Variants in DLGAP2 observed in about 807,000 individuals in gnomAD.
DLGAP2 encodes disks large-associated protein 2.
A neutral mutation model predicts 100.3 loss-of-function variants in DLGAP2; 26 were observed. The observed-to-expected ratio is 0.26, with a 90% CI of 0.19 to 0.36. The LOEUF is 0.36. Among genes scored for constraint, DLGAP2 ranks in the 10% least tolerant of loss-of-function variants. DLGAP2 has a pLI of 1.00. For synonymous variants in DLGAP2, 886 were observed against 630.1 expected (o/e 1.41, Z -6.08); for missense variants, 1,858 against 1,453.2 (o/e 1.28, Z -4.53).
chr8:1,336,227 T>G (rs1452605587), intron 3 of DLGAP2, among the ~76,000 whole-genome samples: 1 of 152,240 alleles, frequency 6.6e-6, no homozygotes, highest in Non-Finnish European at 1.5e-5. Context: ...TTTTGTTAAC[T>G]GGATTTATTT....
At chr8:1,287,633 A>AGTGTGTGTGT (rs782499346) in intron 3 of DLGAP2, among the ~76,000 whole-genome samples, 1 of 69,606 alleles carries the variant, frequency 1.4e-5, no homozygotes, top group Non-Finnish European at 2.5e-5. Context: ...GTTTCGGTTG[A>AGTGTGTGTGT]GTGTGTGTGT....
chr8:1,123,796 C>G (rs1421009620), intron 2 of DLGAP2, among the ~76,000 whole-genome samples: 1 of 152,180 alleles, frequency 6.6e-6, no homozygotes, highest in Non-Finnish European at 1.5e-5. Flanking sequence ...GCACTTTGTA[C>G]ATTTTTCAAT....
chr8:1,163,383 T>C (rs1796930256), intron 2 of DLGAP2, among the ~76,000 whole-genome samples: 1 of 152,058 alleles, frequency 6.6e-6, no homozygotes, highest in East Asian at 1.9e-4. Flanking sequence ...GGTCCGCGGT[T>C]CCGGCTGGAG....
intron 8 of DLGAP2, among the ~76,000 whole-genome samples, chr8:1,653,407 G>A (rs1029952269): frequency 8.5e-5 from 13 of 152,184 alleles, no homozygotes; most frequent in Non-Finnish European, 1.5e-4. Flanking sequence ...CGGGTATCCC[G>A]TGGCCATCCC....
intron 14 of DLGAP2, among the ~76,000 whole-genome samples, chr8:1,697,915 A>T (rs1799446280): frequency 6.6e-6 from 1 of 152,246 alleles, no homozygotes; most frequent in South Asian, 2.1e-4. Flanking sequence ...ACTAGTAGAT[A>T]GTTCTGAGTT....
chr8:930,565 AGT>A (rs1798931912), intron 2 of DLGAP2, among the ~76,000 whole-genome samples: 3 of 152,214 alleles, frequency 2.0e-5, no homozygotes, highest in Admixed American at 2.0e-4. Context: ...TATTCTAGTT[AGT>A]GGAGGAAACC....
chr8:1,051,020 C>T (rs1236119427), intron 2 of DLGAP2, among the ~76,000 whole-genome samples: 3 of 80,528 alleles, frequency 3.7e-5, no homozygotes, highest in East Asian at 3.7e-4. Context: ...TGGGTCATTT[C>T]GTGGGTGGGG....
chr8:1,097,902 G>A (rs11782003), intron 2 of DLGAP2, among the ~76,000 whole-genome samples: 1,940 of 131,898 alleles, frequency 0.015, no homozygotes, highest in East Asian at 0.034. Flanking sequence ...ACCTCCCTGC[G>A]CTCAGGAGAG....
At chr8:1,118,775 AATG>A (rs1222593544) in intron 2 of DLGAP2, among the ~76,000 whole-genome samples, 1 of 152,178 alleles carries the variant, frequency 6.6e-6, no homozygotes, top group Non-Finnish European at 1.5e-5. Flanking sequence ...AACTAAATTA[AATG>A]ATGGAAAACG....
At chr8:1,452,767 C>T (rs6991680) in intron 3 of DLGAP2, among the ~76,000 whole-genome samples, 10 of 152,234 alleles carry the variant, frequency 6.6e-5, no homozygotes, top group African/African-American at 2.4e-4. Flanking sequence ...AGGTGTTTCC[C>T]AGACCAGCAT....
rs572056655 is a variant in DLGAP2 at position 1,636,320 on chromosome 8, A to T, written c.1810+3274A>T. 2.0e-5 allele frequency among the ~76,000 whole-genome samples: 3 copies of T among 152,328 alleles called. No homozygotes were observed. In the East Asian group the frequency reaches 5.8e-4, roughly 29 times the overall value. Reference sequence around the variant, plus strand: ...TCTAGAAGTCATTAAAACAAAGGGAAAACCTATAGAAAGCATGGCAGAGGA... The same window carrying T: ...TCTAGAAGTCATTAAAACAAAGGGATAACCTATAGAAAGCATGGCAGAGGA... On this transcript the variant is annotated intron_variant, in intron 8 of 14. Coordinates refer to ENST00000637795, the MANE Select transcript of DLGAP2 (RefSeq NM_001346810.2).
chr8:1,684,350 G>C (rs930258190), intron 12 of DLGAP2, among the ~76,000 whole-genome samples: 27 of 151,944 alleles, frequency 1.8e-4, no homozygotes, highest in Non-Finnish European at 7.4e-5. Context: ...TATTCATCAA[G>C]TTCAGATATT....
rs536412056 is a variant in DLGAP2 at position 1,071,043 on chromosome 8, G to A, written c.73+163077G>A. 5.5e-4 allele frequency among the ~76,000 whole-genome samples: 84 copies of A among 152,310 alleles called. 3 individuals carry two copies. The South Asian group carries it at 0.017, about 30-fold the overall frequency. On this transcript the variant is annotated intron_variant, in intron 2 of 14. Coordinates refer to ENST00000637795, the MANE Select transcript of DLGAP2 (RefSeq NM_001346810.2). ...AGATTCAGCGCCGGCACCTCACTGA[G>A]CAGAATGAGGGTCCTGTGTTTCGGG... is the stretch of plus-strand genomic sequence containing the variant.
At position 1,634,657 on chromosome 8, in the gene DLGAP2, A is replaced by G. The variant is rs189955776; in HGVS notation, c.1810+1611A>G. Among the ~76,000 whole-genome samples, 422 of 152,322 alleles carry G rather than the reference A, an allele frequency of 2.8e-3. 1 individual carries two copies. Among genetic ancestry groups the G allele is most frequent in the African/African-American group, 9.7e-3 (404 of 41,570 alleles). ...CCAAGAGATCATTACTCATACTTTC[A>G]GCAGTATTTGTTTACTGTCTCTTAG... On this transcript the variant is annotated intron_variant, in intron 8 of 14. Coordinates refer to ENST00000637795, the MANE Select transcript of DLGAP2 (RefSeq NM_001346810.2).
chr8:907,626 C>G (rs1033389572), intron 1 of DLGAP2, among the ~76,000 whole-genome samples: 3 of 152,182 alleles, frequency 2.0e-5, no homozygotes, highest in Non-Finnish European at 4.4e-5. Flanking sequence ...TGGAGTACAG[C>G]TTTCAAGACC....
intron 3 of DLGAP2, among the ~76,000 whole-genome samples, chr8:1,426,991 A>T (rs971798912): frequency 1.3e-5 from 2 of 152,226 alleles, no homozygotes; most frequent in Non-Finnish European, 1.5e-5. Flanking sequence ...ATTAAAAACT[A>T]TGAGTGCTTA....
At chr8:1,491,095 C>CA (rs1563180083) in intron 3 of DLGAP2, among the ~76,000 whole-genome samples, 3 of 62,332 alleles carry the variant, frequency 4.8e-5, no homozygotes, top group Non-Finnish European at 7.5e-5. Flanking sequence ...AAAAAAAACC[C>CA]AAAAATAAAA....
chr8:1,060,516 C>CCT (rs1229800469), intron 2 of DLGAP2, among the ~76,000 whole-genome samples: 1 of 151,724 alleles, frequency 6.6e-6, no homozygotes, highest in African/African-American at 2.4e-5. Flanking sequence ...GTCTCTGTGT[C>CCT]CTGAGCGTCT....
chr8:845,825 T>G (rs1797061697), intron 1 of DLGAP2, among the ~76,000 whole-genome samples: 1 of 152,260 alleles, frequency 6.6e-6, no homozygotes, highest in South Asian at 2.1e-4. Context: ...CATTTTGCAT[T>G]GATGTTTGCA....
Sources: allele counts gnomAD v4.1 joint callset (sites outside exome capture counted in the v4.1 genomes callset), GRCh38; gene constraint gnomAD v4.1.1; transcripts MANE v1.5; gene names NCBI Gene and HGNC (gene_info 2026-07-23, HGNC 2026-07-21).